The following DACT2 variants were observed in gnomAD, a reference collection of about 807,000 sequenced individuals.
DACT2 encodes dishevelled binding antagonist of beta catenin 2, also known as dapper homolog 2.
A neutral mutation model predicts 22.2 loss-of-function variants in DACT2; 20 were observed. That is an observed-to-expected ratio of 0.90 (90% CI 0.63 to 1.31). The LOEUF is 1.31. Ranked by LOEUF, DACT2 falls within the 50% of genes most tolerant of loss-of-function variation. The pLI, the probability that DACT2 is intolerant of heterozygous loss-of-function variation, is 0.00. For missense variants in DACT2, 1,048 were observed against 1,061.4 expected, an observed-to-expected ratio of 0.99 and a Z score of 0.18; for synonymous variants, 463 against 479.8, an observed-to-expected ratio of 0.96 and a Z score of 0.46.
intron 3 of DACT2, among the ~76,000 whole-genome samples, chr6:168,296,010 T>C (rs1232782887): frequency 6.9e-6 from 1 of 145,768 alleles, no homozygotes; most frequent in African/African-American, 2.5e-5. Flanking sequence ...ATGGAGGTCA[T>C]GGAGGACAGA....
At chr6:168,293,410 T>C (rs1449584805) in exon 6 of DACT2, 1 of 153,458 alleles carries the variant, frequency 6.5e-6, no homozygotes, top group African/African-American at 2.4e-5. Flanking sequence ...AAGATTAACT[T>C]TTCCTTAACT....
At chr6:168,301,374 G>A (rs910782338) in intron 3 of DACT2, among the ~76,000 whole-genome samples, 2 of 152,324 alleles carry the variant, frequency 1.3e-5, no homozygotes, top group South Asian at 2.1e-4. Flanking sequence ...AGGCTGGATC[G>A]TATCTAAAAG....
rs988553589 is a variant in DACT2, at chr6:168,308,021, G to A, written c.1736C>T (p.Pro579Leu). 51 of 1,550,208 alleles carry A rather than the reference G, an allele frequency of 3.3e-5. No homozygotes were observed. Among genetic ancestry groups the A allele is most frequent in the African/African-American group, 1.6e-4 (12 of 73,172 alleles). Residue 579 changes from proline to leucine, a missense_variant, in exon 4 of 4, where the codon CCG (proline) becomes CTG (leucine). Transcript: ENST00000366795. ...GGCTGAGGTCCGGTGGCTCTCCTGC[G>A]GGGCCACTGCCAAGGGGACGAGGAC... ...MPVLVPLAVAPQESHRTSAQA... is the reference protein window; with the variant it reads ...MPVLVPLAVALQESHRTSAQA...
In DACT2 at chr6:168,308,433, G is replaced by A. The variant is rs1243320502; in HGVS notation, c.1324C>T (p.Pro442Ser). 1.3e-6 allele frequency: 2 copies of A among 1,551,570 alleles called. No homozygotes were observed. The highest frequency in any genetic ancestry group is 4.9e-5 in the East Asian group (2 of 40,894). ...GGTGTCTGCTGGGCCTTTGAGCTGGGAGAAGCCTGCACCATGGTCTCCCTG... is the reference window on the plus strand; with the variant it reads ...GGTGTCTGCTGGGCCTTTGAGCTGGAAGAAGCCTGCACCATGGTCTCCCTG... ...VLRETMVQAS[P>S]SSKAQQTPSA... The change falls in exon 4 of 4, where the codon CCC becomes TCC. Residue 442 changes from proline (P) to serine (S), a missense_variant. By Grantham distance (74) the Pro-to-Ser change is moderately conservative (BLOSUM62 -1). Coordinates refer to ENST00000366795, the MANE Select transcript of DACT2 (RefSeq NM_214462.5).
intron 3 of DACT2, among the ~76,000 whole-genome samples, chr6:168,309,938 C>T (rs1779350810): frequency 6.8e-6 from 1 of 146,626 alleles, no homozygotes. Flanking sequence ...ATTTTAAATA[C>T]AGGGAAAAGT....
rs1779366316 is a variant in DACT2, at chr6:168,310,361, C to T, written c.465G>A (p.Leu155=). Residue 155 remains leucine (L), a synonymous_variant, in exon 3 of 4, where the codon CTG becomes CTA. Transcript: ENST00000366795. The stretch of plus-strand genomic sequence containing the variant: ...CCTGGGCCACAGGCAACAAACTGCC[C>T]AGCGAGGGAGAGATGTGGTCACTGC... ...SVCSDHISPS[L]GSLLPVAQAH... 4 of 1,551,554 alleles carry T rather than the reference C, an allele frequency of 2.6e-6. 1 individual carries two copies. The highest frequency in any genetic ancestry group is 2.4e-5 in the South Asian group (2 of 84,048).
intron 4 of DACT2, chr6:168,294,298 G>A: frequency 1.4e-6 from 1 of 697,670 alleles, no homozygotes; most frequent in Non-Finnish European, 2.6e-6. Context: ...GGCTAGGTGT[G>A]AGGACACAGA....
chr6:168,307,379 C>T lies in DACT2; in HGVS notation c.*53G>A. On this transcript the variant is annotated 3_prime_UTR_variant, in exon 4 of 4. Coordinates refer to ENST00000366795, the MANE Select transcript of DACT2 (RefSeq NM_214462.5). The surrounding 1 kb of genome is among the most constrained non-coding windows in gnomAD (Gnocchi z 5.3). ...AAACCCAGACATGCACAGGACACTG[C>T]ATGGAAAGGGCCCCTGTGTGCAGCA... The T allele has an allele frequency of 6.5e-7, 1 of 1,544,140 alleles. No individual in the cohort carries two copies. Among genetic ancestry groups the T allele is most frequent in the Admixed American group, 2.0e-5 (1 of 49,840 alleles).
chr6:168,319,375 G>C lies in DACT2; in HGVS notation c.246+13C>G. On this transcript the variant is annotated intron_variant, in intron 1 of 3. Coordinates refer to ENST00000366795, the MANE Select transcript of DACT2 (RefSeq NM_214462.5). ...ACACCTCGCAGCCCCGAGTCCCGGC[G>C]CCCGGTCCTTACCAGCTGCTCCTGC... The C allele has an allele frequency of 8.3e-7, 1 of 1,198,480 alleles. No homozygotes were observed. The highest frequency in any genetic ancestry group is 1.0e-6 in the Non-Finnish European group (1 of 966,638). The allele number at this position is 1,198,480 out of a possible 1,614,324, so 74.2% of individuals were successfully genotyped here.
At chr6:168,296,179 C>G (rs111523894) in intron 3 of DACT2, among the ~76,000 whole-genome samples, 1 of 148,550 alleles carries the variant, frequency 6.7e-6, no homozygotes, top group African/African-American at 2.6e-5. Flanking sequence ...ACGGAAAGAG[C>G]AGATCCATCC....
intron 1 of DACT2, among the ~76,000 whole-genome samples, chr6:168,314,036 C>T (rs975885481): frequency 6.6e-6 from 1 of 151,818 alleles, no homozygotes; most frequent in Non-Finnish European, 1.5e-5. Flanking sequence ...GACCGCTGTC[C>T]CGAACTTGGG....
intron 1 of DACT2, among the ~76,000 whole-genome samples, chr6:168,315,708 A>C (rs1010898655): frequency 1.3e-5 from 2 of 152,192 alleles, no homozygotes; most frequent in African/African-American, 4.8e-5. Context: ...AATCCCTGCA[A>C]ATGGTAACAA....
At chr6:168,295,748 G>A (rs1423487612) in intron 3 of DACT2, among the ~76,000 whole-genome samples, 1 of 152,172 alleles carries the variant, frequency 6.6e-6, no homozygotes, top group Non-Finnish European at 1.5e-5. Flanking sequence ...ATCCACACAG[G>A]TATAAAGAAC....
chr6:168,304,659 A>C (rs1315026333), downstream of DACT2, among the ~76,000 whole-genome samples: 1 of 152,164 alleles, frequency 6.6e-6, no homozygotes, highest in Non-Finnish European at 1.5e-5. Context: ...TACTGTGGGG[A>C]GCACAGACAG....
At chr6:168,313,088 C>T (rs1779460591) in intron 1 of DACT2, among the ~76,000 whole-genome samples, 1 of 152,206 alleles carries the variant, frequency 6.6e-6, no homozygotes, top group African/African-American at 2.4e-5. Context: ...GCTCTGTCCT[C>T]CAGGCTGGAG....
chr6:168,305,687 G>C (rs9456050), downstream of DACT2, among the ~76,000 whole-genome samples: 1 of 152,150 alleles, frequency 6.6e-6, no homozygotes, highest in African/African-American at 2.4e-5. Flanking sequence ...CGGGGCTGTC[G>C]TCACAGCCTC....
exon 6 of DACT2, chr6:168,293,729 A>G (rs554777321): frequency 1.3e-5 from 8 of 632,832 alleles, no homozygotes; most frequent in South Asian, 1.8e-5. Flanking sequence ...CTTTCTGGAC[A>G]CTTCTCTGCA....
At chr6:168,302,576 G>T (rs1779129789), downstream of DACT2, among the ~76,000 whole-genome samples, 1 of 152,216 alleles carries the variant, frequency 6.6e-6, no homozygotes, top group Non-Finnish European at 1.5e-5. Context: ...CTATGCAATA[G>T]CTTGATTTTA....
downstream of DACT2, among the ~76,000 whole-genome samples, chr6:168,305,915 G>A (rs2114900855): frequency 6.6e-6 from 1 of 152,178 alleles, no homozygotes; most frequent in East Asian, 1.9e-4. Flanking sequence ...ATTGCACACA[G>A]ACGAGCTCAA....
Sources: gnomAD v4.1 joint callset for allele counts (sites outside exome capture counted in the v4.1 genomes callset) on GRCh38, gnomAD v4.1.1 for gene constraint, Gnocchi (gnomAD v3.1) non-coding constraint, MANE v1.5 for transcripts, NCBI Gene and HGNC (gene_info 2026-07-23, HGNC 2026-07-21) for gene names.